ZMIZ1: variants seen among roughly 807,000 people sequenced by gnomAD.
ZMIZ1 encodes zinc finger MIZ-type containing 1.
A neutral mutation model predicts 113.9 loss-of-function variants in ZMIZ1; 17 were observed. The observed-to-expected ratio is 0.15, with a 90% CI of 0.10 to 0.22. The LOEUF is 0.22. Ranked by LOEUF, ZMIZ1 falls within the 10% of genes least tolerant of loss-of-function variation. ZMIZ1 has a pLI of 1.00. For missense variants in ZMIZ1, 1,059 were observed against 1,477.8 expected (o/e 0.72, Z 4.65); for synonymous variants, 607 against 603.1 (o/e 1.01, Z -0.09).
intron 6 of ZMIZ1, among the ~76,000 whole-genome samples, chr10:79,210,180 T>C (rs143676295): frequency 1.4e-3 from 217 of 152,120 alleles, no homozygotes; most frequent in African/African-American, 5.0e-3. Flanking sequence ...GGTGGGAACC[T>C]TGTGTGACGT....
intron 2 of ZMIZ1, among the ~76,000 whole-genome samples, chr10:79,120,264 C>T (rs1231820685): frequency 1.3e-5 from 2 of 152,220 alleles, no homozygotes; most frequent in East Asian, 1.9e-4. Flanking sequence ...ATAACACTTG[C>T]GTGCACTTGC....
chr10:79,138,195 C>T (rs1469370643), intron 2 of ZMIZ1, among the ~76,000 whole-genome samples: 2 of 152,210 alleles, frequency 1.3e-5, no homozygotes, highest in Non-Finnish European at 2.9e-5. Flanking sequence ...CCTCTCAAAG[C>T]ACACACAGGG....
At chr10:79,229,553 C>CT (rs1202814514) in intron 7 of ZMIZ1, among the ~76,000 whole-genome samples, 8 of 152,294 alleles carry the variant, frequency 5.3e-5, no homozygotes, top group African/African-American at 1.9e-4. Flanking sequence ...ACAGGAATTA[C>CT]TGGGGGGAAA....
In ZMIZ1 at chr10:79,082,498, A is replaced by G. The variant is rs189956050; in HGVS notation, c.-337+13228A>G. 4.6e-5 allele frequency among the ~76,000 whole-genome samples: 7 copies of G among 152,224 alleles called. 1 individual carries two copies. Among genetic ancestry groups the G allele is most frequent in the Admixed American group, 4.6e-4 (7 of 15,298 alleles). Reference sequence around the variant, plus strand: ...CCTAAGACCCAAAGATGCCCAAACTATTGGAGCAGGAGGGACCTGGGCAGC... The same window carrying G: ...CCTAAGACCCAAAGATGCCCAAACTGTTGGAGCAGGAGGGACCTGGGCAGC... On this transcript the variant is annotated intron_variant, in intron 1 of 24. Transcript: ENST00000334512.
At position 79,307,343 on chromosome 10, in the gene ZMIZ1, C is replaced by T. The variant is rs901444827; in HGVS notation, c.2669-62C>T. On this transcript the variant is annotated intron_variant, in intron 22 of 24. Transcript: ENST00000334512. ...TTGTATTTTTACACACTCTCTGTTC[C>T]CTGGGGGTGGCCACTATCCCTCTGG... is the stretch of plus-strand genomic sequence containing the variant. 11 of 1,522,832 alleles carry T rather than the reference C, an allele frequency of 7.2e-6. No individual in the cohort carries two copies. In the African/African-American group the frequency reaches 1.2e-4, roughly 17 times the overall value. The allele number at this position is 1,522,832 out of a possible 1,614,324, so 94.3% of individuals were successfully genotyped here. A position where few individuals can be genotyped will look rare whatever the true frequency, so the allele number is the denominator to read the frequency against.
intron 8 of ZMIZ1, among the ~76,000 whole-genome samples, chr10:79,282,269 G>A (rs554843884): frequency 6.6e-6 from 1 of 152,346 alleles, no homozygotes; most frequent in East Asian, 1.9e-4. Flanking sequence ...TTTATTGAAT[G>A]GCTTGGAGGC....
chr10:79,283,736 C>T lies in ZMIZ1; in HGVS notation c.426-6039C>T, dbSNP rs549435130. Among the ~76,000 whole-genome samples, 4 of 152,290 alleles carry T rather than the reference C, an allele frequency of 2.6e-5. No individual in the cohort carries two copies. In the East Asian group the frequency reaches 7.7e-4, roughly 29 times the overall value. ...AAGATGCAAAGGATTTTTTCCTTTC[C>T]TCCTTCCTACTGAAAAAGTTTTAAC... is the stretch of plus-strand genomic sequence containing the variant. On this transcript the variant is annotated intron_variant, in intron 8 of 24. Transcript: ENST00000334512.
intron 4 of ZMIZ1, among the ~76,000 whole-genome samples, chr10:79,186,024 G>T (rs1416342918): frequency 6.6e-6 from 1 of 152,144 alleles, no homozygotes; most frequent in Non-Finnish European, 1.5e-5. Context: ...CAGGAAAGAA[G>T]GAAGAGAGAA....
intron 1 of ZMIZ1, among the ~76,000 whole-genome samples, chr10:79,113,297 C>A (rs1754540877): frequency 6.6e-6 from 1 of 152,232 alleles, no homozygotes; most frequent in African/African-American, 2.4e-5. Context: ...GGCCGAGAGA[C>A]CGGCAGCATC....
chr10:79,202,070 A>G (rs943847134), intron 5 of ZMIZ1, among the ~76,000 whole-genome samples: 2 of 150,382 alleles, frequency 1.3e-5, no homozygotes, highest in African/African-American at 4.9e-5. Context: ...AAAAAAAAAA[A>G]AAAAAAAAAG....
chr10:79,123,188 A>G (rs1439259193), intron 2 of ZMIZ1, among the ~76,000 whole-genome samples: 4 of 152,178 alleles, frequency 2.6e-5, no homozygotes, highest in African/African-American at 7.2e-5. Flanking sequence ...ACTGTTCCAT[A>G]TGGCTGGCAC....
rs538809141 is a variant in ZMIZ1 at position 79,093,633 on chromosome 10, C to T, written c.-337+24363C>T. Reference sequence around the variant, plus strand: ...TGAGCCACCACGCCTGGCCTGTATCCCAGTTTTACACACATGCGTACGTGA... The same window carrying T: ...TGAGCCACCACGCCTGGCCTGTATCTCAGTTTTACACACATGCGTACGTGA... On this transcript the variant is annotated intron_variant, in intron 1 of 24. Coordinates refer to ENST00000334512, the MANE Select transcript of ZMIZ1 (RefSeq NM_020338.4). Among the ~76,000 whole-genome samples, 15 of 152,220 alleles carry T rather than the reference C, an allele frequency of 9.9e-5. No individual in the cohort carries two copies. In the South Asian group the frequency reaches 2.9e-3, roughly 29 times the overall value.
intron 1 of ZMIZ1, among the ~76,000 whole-genome samples, chr10:79,114,880 G>GTGGAT (rs1843955677): frequency 6.6e-6 from 1 of 152,190 alleles, no homozygotes; most frequent in African/African-American, 2.4e-5. Context: ...GTGGAGTGGA[G>GTGGAT]TGAGGGACTC....
chr10:79,265,463 C>CTT lies in ZMIZ1; in HGVS notation c.281-11715_281-11714dup, dbSNP rs869066608. Among the ~76,000 whole-genome samples the CTT allele has an allele frequency of 2.8e-3, 369 of 131,622 alleles. 6 individuals carry two copies. Among genetic ancestry groups the CTT allele is most frequent in the African/African-American group, 9.6e-3 (302 of 31,520 alleles). The allele number at this position is 131,622 out of a possible 152,430, so 86.3% of individuals were successfully genotyped here. A position where few individuals can be genotyped will look rare whatever the true frequency, so the allele number is the denominator to read the frequency against. ...CGCCAGCAGACAACTCCTTTTTTTT[C>CTT]TTTTCTTTTTTTTTTTTTTTTTGGC... is the stretch of plus-strand genomic sequence containing the variant. On this transcript the variant is annotated intron_variant, in intron 7 of 24. Coordinates refer to ENST00000334512, the MANE Select transcript of ZMIZ1 (RefSeq NM_020338.4).
At chr10:79,194,172 C>T (rs1015334323) in intron 4 of ZMIZ1, among the ~76,000 whole-genome samples, 26 of 152,250 alleles carry the variant, frequency 1.7e-4, no homozygotes, top group Non-Finnish European at 3.7e-4. Context: ...CATTTCTGCA[C>T]ACCACTGCTC....
chr10:79,254,519 C>T (rs552898177), intron 7 of ZMIZ1, among the ~76,000 whole-genome samples: 28 of 152,338 alleles, frequency 1.8e-4, no homozygotes, highest in Non-Finnish European at 3.2e-4. Context: ...GGGGATCCAC[C>T]CACGATGGGG....
At chr10:79,298,300 G>A (rs1854043647) in intron 14 of ZMIZ1, 106 bp from the exon 15 acceptor site, 1 of 1,286,768 alleles carries the variant, frequency 7.8e-7, no homozygotes, top group Admixed American at 2.6e-5. Context: ...TCCTCCCGAG[G>A]GGCATGGCTC....
chr10:79,220,645 G>A (rs1848927667), intron 7 of ZMIZ1, among the ~76,000 whole-genome samples: 1 of 152,216 alleles, frequency 6.6e-6, no homozygotes, highest in Admixed American at 6.5e-5. Context: ...GGTCTTGGGT[G>A]TCTGTAGGTC....
intron 13 of ZMIZ1, 87 bp from the exon 14 acceptor site, chr10:79,297,526 C>T (rs1263873365): frequency 3.5e-6 from 4 of 1,155,324 alleles, no homozygotes; most frequent in Non-Finnish European, 3.9e-6. Flanking sequence ...TCCCCGTGCT[C>T]CTGGTAGATT....
Sources: gnomAD v4.1 joint callset for allele counts (sites outside exome capture counted in the v4.1 genomes callset) on GRCh38, gnomAD v4.1.1 for gene constraint, MANE v1.5 for transcripts, NCBI Gene and HGNC (gene_info 2026-07-23, HGNC 2026-07-21) for gene names.